CREBRF: variants seen among roughly 807,000 people sequenced by gnomAD.
CREBRF encodes UPF0474 protein C5orf41.
A neutral mutation model predicts 66.1 loss-of-function variants in CREBRF; 5 were observed. The observed-to-expected ratio is 0.08, with a 90% CI of 0.04 to 0.16. The LOEUF (loss-of-function observed/expected upper bound fraction) is 0.16, where lower values mean the gene tolerates loss of function less well. Among genes scored for constraint, CREBRF ranks in the 10% least tolerant of loss-of-function variants. CREBRF has a pLI of 1.00. For missense variants in CREBRF, 531 were observed against 744.9 expected (o/e 0.71, Z 3.34); for synonymous variants, 229 against 264.4 (o/e 0.87, Z 1.30).
intron 1 of CREBRF, among the ~76,000 whole-genome samples, chr5:173,063,428 C>T (rs891006188): frequency 2.0e-4 from 30 of 151,600 alleles, no homozygotes; most frequent in Admixed American, 1.3e-4. Flanking sequence ...AGTGCAGTGG[C>T]GCCATCTCGG....
chr5:173,070,121 G>A (rs913922824), intron 1 of CREBRF, among the ~76,000 whole-genome samples: 1 of 152,086 alleles, frequency 6.6e-6, no homozygotes, highest in South Asian at 2.1e-4. Flanking sequence ...TTGAACTCCT[G>A]ATCTCAAGTG....
intron 8 of CREBRF, among the ~76,000 whole-genome samples, chr5:173,132,085 CTTT>C (rs34701764): frequency 1.4e-4 from 18 of 124,510 alleles, no homozygotes; most frequent in Admixed American, 4.8e-4. Flanking sequence ...AAATATATTT[CTTT>C]TTTTTTTTTT....
chr5:173,105,678 C>A lies in CREBRF; in HGVS notation c.1223-2946C>A, dbSNP rs187536751. On this transcript the variant is annotated intron_variant, in intron 4 of 8. Transcript: ENST00000296953. The stretch of plus-strand genomic sequence containing the variant: ...AGATGGTTTCGCCATGTTGGACAGG[C>A]TGGTCTTGAATTCCTGACCTCGTGA... Among the ~76,000 whole-genome samples the A allele has an allele frequency of 3.2e-5, 4 of 123,232 alleles. No homozygotes were observed. The East Asian group carries it at 8.0e-4, about 25-fold the overall frequency. 80.8% of individuals were successfully genotyped at this position (123,232 alleles called of 152,430 possible). A position where few individuals can be genotyped will look rare whatever the true frequency, so the allele number is the denominator to read the frequency against.
rs1012098690 is a variant in CREBRF at position 173,077,187 on chromosome 5, C to T, written c.-191-3398C>T. Among the ~76,000 whole-genome samples, 5 of 152,082 alleles carry T rather than the reference C, an allele frequency of 3.3e-5. 1 individual carries two copies. The highest frequency in any genetic ancestry group is 2.0e-4 in the Admixed American group (3 of 15,274). ...CTCGAACTCCTGAACTCGACTAATT[C>T]GCCTGCCTTGGCTTCCCAAAGTGCT... On this transcript the variant is annotated intron_variant, in intron 1 of 8. Coordinates refer to ENST00000296953, the MANE Select transcript of CREBRF (RefSeq NM_153607.3).
chr5:173,118,358 A>G (rs1759058780), intron 7 of CREBRF, among the ~76,000 whole-genome samples: 1 of 152,208 alleles, frequency 6.6e-6, no homozygotes, highest in South Asian at 2.1e-4. Flanking sequence ...ATTTTGATGA[A>G]TCAATTTGTC....
intron 4 of CREBRF, among the ~76,000 whole-genome samples, chr5:173,095,372 G>A (rs1244874358): frequency 6.6e-6 from 1 of 151,802 alleles, no homozygotes; most frequent in Non-Finnish European, 1.5e-5. Flanking sequence ...TGTATTTTTA[G>A]TAGAGACGGG....
At chr5:173,096,762 A>T (rs1092205) in intron 4 of CREBRF, among the ~76,000 whole-genome samples, 99,410 of 151,574 alleles carry the variant, frequency 0.66, 33,054 homozygotes, top group Middle Eastern at 0.7. Flanking sequence ...GTTAAATTTT[A>T]TTTTATCATG....
chr5:173,118,998 T>A lies in CREBRF; in HGVS notation c.1682-4082T>A, dbSNP rs528278103. Among the ~76,000 whole-genome samples, 35 of 152,208 alleles carry A rather than the reference T, an allele frequency of 2.3e-4. No homozygotes were observed. In the South Asian group the frequency reaches 7.3e-3, roughly 32 times the overall value. Reference sequence around the variant, plus strand: ...ATCTTGGCCTCCCAAAGAGCTGGGATTACAGGCATGAGCCATTGCACCCAG... The same window carrying A: ...ATCTTGGCCTCCCAAAGAGCTGGGAATACAGGCATGAGCCATTGCACCCAG... On this transcript the variant is annotated intron_variant, in intron 7 of 8. Transcript: ENST00000296953.
chr5:173,120,968 C>T (rs1430027809), intron 7 of CREBRF, among the ~76,000 whole-genome samples: 1 of 152,152 alleles, frequency 6.6e-6, no homozygotes, highest in South Asian at 2.1e-4. Context: ...ACTGGGATTA[C>T]AGGCACGAGC....
chr5:173,089,176 C>CAA (rs369433965), intron 3 of CREBRF, among the ~76,000 whole-genome samples: 19 of 70,310 alleles, frequency 2.7e-4, no homozygotes, highest in Middle Eastern at 7.5e-3. Context: ...GACTCCATCT[C>CAA]AAAAAAAAAA....
At chr5:173,072,261 C>G (rs1757618238) in intron 1 of CREBRF, among the ~76,000 whole-genome samples, 1 of 151,720 alleles carries the variant, frequency 6.6e-6, no homozygotes, top group African/African-American at 2.4e-5. Context: ...GCATGTGCCA[C>G]CATGCCTAAT....
In CREBRF at chr5:173,100,078, T is replaced by TTGTGTGTGTGTG. The variant is rs749558283; in HGVS notation, c.1223-8516_1223-8505dup. Among the ~76,000 whole-genome samples the TTGTGTGTGTGTG allele has an allele frequency of 8.4e-3, 580 of 68,996 alleles. 9 individuals carry two copies. Among genetic ancestry groups the TTGTGTGTGTGTG allele is most frequent in the Middle Eastern group, 0.018 (2 of 114 alleles). The allele number at this position is 68,996 out of a possible 152,430, so 45.3% of individuals were successfully genotyped here. Reference sequence around the variant, plus strand: ...CCTGCCACCACACCTGGCTAATCTTTTGTGTGTGTGTGTGTGTGTGTGTGT... The same window carrying TTGTGTGTGTGTG: ...CCTGCCACCACACCTGGCTAATCTTTTGTGTGTGTGTGTGTGTGTGTGTGTGTGTGTGTGTGT... On this transcript the variant is annotated intron_variant, in intron 4 of 8. Coordinates refer to ENST00000296953, the MANE Select transcript of CREBRF (RefSeq NM_153607.3).
chr5:173,130,881 A>C (rs1759408038), intron 8 of CREBRF, among the ~76,000 whole-genome samples: 1 of 151,964 alleles, frequency 6.6e-6, no homozygotes, highest in African/African-American at 2.4e-5. Context: ...ATGTTTTTGC[A>C]TTTTTAGTAG....
At position 173,128,378 on chromosome 5, in the gene CREBRF, T is replaced by G. The variant is rs56695667; in HGVS notation, c.1804+5176T>G. Among the ~76,000 whole-genome samples, 631 of 152,180 alleles carry G rather than the reference T, an allele frequency of 4.1e-3. 3 individuals carry two copies. Among genetic ancestry groups the G allele is most frequent in the African/African-American group, 0.015 (605 of 41,564 alleles). On this transcript the variant is annotated intron_variant, in intron 8 of 8. Coordinates refer to ENST00000296953, the MANE Select transcript of CREBRF (RefSeq NM_153607.3). ...TACAATTTTTAATGTTCTGCGGGAG[T>G]TTTAAAAGAAGATGTATTTTCTGTT...
intron 4 of CREBRF, among the ~76,000 whole-genome samples, chr5:173,099,881 T>G (rs1758571097): frequency 6.6e-6 from 1 of 150,658 alleles, no homozygotes. Context: ...AAGAAATTAT[T>G]TTATATATAG....
intron 7 of CREBRF, among the ~76,000 whole-genome samples, chr5:173,119,708 CT>C (rs975847462): frequency 7.9e-5 from 12 of 151,990 alleles, no homozygotes; most frequent in Non-Finnish European, 1.5e-4. Context: ...CAGGGGAAAC[CT>C]TTTATCTTTA....
At chr5:173,125,794 G>A (rs1011080330) in intron 8 of CREBRF, among the ~76,000 whole-genome samples, 2 of 152,186 alleles carry the variant, frequency 1.3e-5, no homozygotes, top group East Asian at 1.9e-4. Context: ...AACCCAGGAG[G>A]CAGAGGTTAC....
At chr5:173,073,932 G>A (rs1379057960) in intron 1 of CREBRF, among the ~76,000 whole-genome samples, 25 of 151,944 alleles carry the variant, frequency 1.6e-4, no homozygotes, top group East Asian at 1.4e-3. Context: ...GCGCCACTGC[G>A]CTCCAGCCTG....
intron 5 of CREBRF, 31 bp from the exon 6 acceptor site, chr5:173,110,491 C>T (rs375474164): frequency 3.9e-6 from 6 of 1,524,472 alleles, no homozygotes; most frequent in Non-Finnish European, 5.5e-6. Context: ...TTAAAGTGAT[C>T]TGACTTAAAC....
Sources: gnomAD v4.1 joint callset for allele counts (sites outside exome capture counted in the v4.1 genomes callset) on GRCh38, gnomAD v4.1.1 for gene constraint, MANE v1.5 for transcripts, NCBI Gene and HGNC (gene_info 2026-07-23, HGNC 2026-07-21) for gene names.